AFAP1: variants seen among roughly 807,000 people sequenced by gnomAD.
AFAP1 encodes the protein actin filament associated protein 1.
AFAP1 carries 75 observed loss-of-function variants against 93.9 expected under a neutral mutation model. The observed-to-expected ratio is 0.80, with a 90% CI of 0.66 to 0.97. The LOEUF is 0.97. Among genes scored for constraint, AFAP1 ranks in the 50% least tolerant of loss-of-function variants. AFAP1 has a pLI of 0.00. For synonymous variants in AFAP1, 517 were observed against 430.7 expected (o/e 1.20, Z -2.48); for missense variants, 1,201 against 1,050.8 (o/e 1.14, Z -1.98).
chr4:7,908,919 G>A, intron 1 of AFAP1, among the ~76,000 whole-genome samples: 1 of 140,036 alleles, frequency 7.1e-6, no homozygotes, highest in Non-Finnish European at 1.6e-5. Flanking sequence ...TGTAGGAAGT[G>A]AAACCAAACA....
intron 4 of AFAP1, among the ~76,000 whole-genome samples, chr4:7,851,115 T>G (rs1302492999): frequency 6.6e-6 from 1 of 151,984 alleles, no homozygotes; most frequent in Non-Finnish European, 1.5e-5. Context: ...CCTCTGGGAG[T>G]TTGGAGCACG....
At chr4:7,906,026 G>A (rs1719381907) in intron 1 of AFAP1, among the ~76,000 whole-genome samples, 1 of 152,186 alleles carries the variant, frequency 6.6e-6, no homozygotes, top group Admixed American at 6.5e-5. Flanking sequence ...AGGAGGGAGA[G>A]AGGACAAGAT....
intron 1 of AFAP1, among the ~76,000 whole-genome samples, chr4:7,914,937 T>A (rs540794196): frequency 2.0e-4 from 30 of 152,174 alleles, no homozygotes; most frequent in Admixed American, 5.9e-4. Flanking sequence ...TTAGTAGAGA[T>A]GCGGTTTTAC....
rs541062307 is a variant in AFAP1, at chr4:7,898,212, C to A, written c.-2-26132G>T. Among the ~76,000 whole-genome samples the A allele has an allele frequency of 1.1e-3, 168 of 152,186 alleles. 1 individual carries two copies. Among genetic ancestry groups the A allele is most frequent in the African/African-American group, 3.7e-3 (155 of 41,540 alleles). On this transcript the variant is annotated intron_variant, in intron 1 of 17. Transcript: ENST00000420658. ...ATCACCAGAGGTCAGGAGTTCGAGA[C>A]CAGCCTGGCCAACATGGTGAAACCC...
At chr4:7,817,771 A>AAG (rs1296261744) in intron 7 of AFAP1, among the ~76,000 whole-genome samples, 1 of 151,930 alleles carries the variant, frequency 6.6e-6, no homozygotes, top group Non-Finnish European at 1.5e-5. Flanking sequence ...TAAGTAAAAA[A>AAG]AAAAAAGCAG....
chr4:7,835,180 C>T (rs1712149714), intron 6 of AFAP1, among the ~76,000 whole-genome samples: 1 of 57,930 alleles, frequency 1.7e-5, no homozygotes, highest in Admixed American at 1.6e-4. Context: ...TTAAGGTTAC[C>T]TGGGTGGCTC....
chr4:7,912,323 T>C (rs1719781616), intron 1 of AFAP1, among the ~76,000 whole-genome samples: 1 of 152,198 alleles, frequency 6.6e-6, no homozygotes, highest in African/African-American at 2.4e-5. Context: ...TGCCCATGAA[T>C]GTGAGTGCTG....
At chr4:7,866,289 C>T (rs1387950848) in intron 3 of AFAP1, among the ~76,000 whole-genome samples, 10 of 151,450 alleles carry the variant, frequency 6.6e-5, no homozygotes, top group African/African-American at 1.7e-4. Flanking sequence ...CTCTGCGTCC[C>T]GGGCTCAAGT....
At chr4:7,909,521 T>G (rs1030959278) in intron 1 of AFAP1, among the ~76,000 whole-genome samples, 18 of 152,210 alleles carry the variant, frequency 1.2e-4, no homozygotes, top group African/African-American at 3.6e-4. Context: ...AAAGGTGGAA[T>G]GGGTAGAGAT....
At position 7,763,050 on chromosome 4, in the gene AFAP1, G is replaced by A. The variant is rs1325475332; in HGVS notation, c.*715C>T. 2 of 152,348 alleles carry A rather than the reference G, an allele frequency of 1.3e-5. No homozygotes were observed. The highest frequency in any genetic ancestry group is 2.9e-5 in the Non-Finnish European group (2 of 68,038). The allele number at this position is 152,348 out of a possible 1,614,324, so 9.4% of individuals were successfully genotyped here. A position where few individuals can be genotyped will look rare whatever the true frequency, so the allele number is the denominator to read the frequency against. On this transcript the variant is annotated 3_prime_UTR_variant, in exon 18 of 18. Transcript: ENST00000420658. Reference sequence around the variant, plus strand: ...TTAATTAATAAAATAAGGAACCTCTGAAAACTCCTTGATCTAAGTGTGACA... The same window carrying A: ...TTAATTAATAAAATAAGGAACCTCTAAAAACTCCTTGATCTAAGTGTGACA...
intron 10 of AFAP1, among the ~76,000 whole-genome samples, chr4:7,796,810 A>G (rs4689165): frequency 0.11 from 16,286 of 151,004 alleles, 1,356 homozygotes; most frequent in East Asian, 0.48. Flanking sequence ...CTGTAATCTC[A>G]GCACTTTGGG....
At chr4:7,775,923 G>T (rs896693133) in intron 14 of AFAP1, 1 of 152,160 alleles carries the variant, frequency 6.6e-6, no homozygotes, top group South Asian at 2.1e-4. Flanking sequence ...AAAATTTACA[G>T]ACTTGGCAAC....
At chr4:7,822,903 T>TC (rs1456240447) in intron 6 of AFAP1, among the ~76,000 whole-genome samples, 1 of 151,668 alleles carries the variant, frequency 6.6e-6, no homozygotes, top group African/African-American at 2.4e-5. Flanking sequence ...CCTCTTTCTT[T>TC]TTTTTTTTCA....
chr4:7,810,000 A>AG (rs1472922068), intron 8 of AFAP1, among the ~76,000 whole-genome samples: 1 of 152,156 alleles, frequency 6.6e-6, no homozygotes, highest in African/African-American at 2.4e-5. Context: ...CTGGGACCAC[A>AG]GGTGCGTGTC....
chr4:7,763,544 A>G lies in AFAP1; in HGVS notation c.*221T>C. 1.8e-6 allele frequency: 1 copy of G among 566,468 alleles called. No individual in the cohort carries two copies. Among genetic ancestry groups the G allele is most frequent in the Non-Finnish European group, 3.1e-6 (1 of 323,564 alleles). 35.1% of individuals were successfully genotyped at this position (566,468 alleles called of 1,614,324 possible). A position where few individuals can be genotyped will look rare whatever the true frequency, so the allele number is the denominator to read the frequency against. ...CATCACTTTTTTTGTTTTTTAACAAAGTTGGGAACCAAAGTCTTACATCTT... is the reference window on the plus strand; with the variant it reads ...CATCACTTTTTTTGTTTTTTAACAAGGTTGGGAACCAAAGTCTTACATCTT... On this transcript the variant is annotated 3_prime_UTR_variant, in exon 18 of 18. Coordinates refer to ENST00000420658, the MANE Select transcript of AFAP1 (RefSeq NM_001134647.2).
chr4:7,929,895 T>A (rs550311174), intron 1 of AFAP1, among the ~76,000 whole-genome samples: 1 of 152,292 alleles, frequency 6.6e-6, no homozygotes, highest in Non-Finnish European at 1.5e-5. Context: ...TTATAATAGC[T>A]TCAGGCCACA....
chr4:7,759,840 C>G lies in AFAP1; in HGVS notation c.*3925G>C, dbSNP rs4689162. ...GTGAGCTCAGGGTGTCGGCCCCGCC[C>G]TGTGGCACAAGGTGCCTTTTCTCTG... is the stretch of plus-strand genomic sequence containing the variant. On this transcript the variant is annotated 3_prime_UTR_variant, in exon 18 of 18. Coordinates refer to ENST00000420658, the MANE Select transcript of AFAP1 (RefSeq NM_001134647.2). 15,698 of 152,316 alleles carry G rather than the reference C, an allele frequency of 0.1. 1,334 individuals are homozygous for G. The highest frequency in any genetic ancestry group is 0.48 in the East Asian group (2,497 of 5,156). The allele number at this position is 152,316 out of a possible 1,614,324, so 9.4% of individuals were successfully genotyped here. A position where few individuals can be genotyped will look rare whatever the true frequency, so the allele number is the denominator to read the frequency against.
chr4:7,856,630 C>G (rs1250558619), intron 3 of AFAP1, among the ~76,000 whole-genome samples: 2 of 152,156 alleles, frequency 1.3e-5, no homozygotes, highest in African/African-American at 4.8e-5. Context: ...GGGCTCACTC[C>G]GCGCCTCGGG....
intron 3 of AFAP1, among the ~76,000 whole-genome samples, chr4:7,857,455 C>T (rs1453083002): frequency 6.6e-6 from 1 of 152,170 alleles, no homozygotes; most frequent in Non-Finnish European, 1.5e-5. Context: ...CGCCCCCCGT[C>T]CTTGTTCCCG....
Sources: gnomAD v4.1 joint callset for allele counts (sites outside exome capture counted in the v4.1 genomes callset) on GRCh38, gnomAD v4.1.1 for gene constraint, MANE v1.5 for transcripts, NCBI Gene and HGNC (gene_info 2026-07-23, HGNC 2026-07-21) for gene names.